Variants in GRIK2 observed in about 807,000 individuals in gnomAD.
GRIK2 encodes the protein glutamate receptor ionotropic, kainate 2.
Under a neutral mutation model 100.3 loss-of-function variants are expected in GRIK2, and 32 were observed. The observed-to-expected ratio is 0.32, with a 90% CI of 0.24 to 0.43. The LOEUF (loss-of-function observed/expected upper bound fraction) is 0.43. Among genes scored for constraint, GRIK2 ranks in the 20% least tolerant of loss-of-function variants. The probability of loss-of-function intolerance (pLI) is 1.00; values close to 1 mark genes in which losing one functional copy is unlikely to be tolerated. For synonymous variants in GRIK2, 417 were observed against 389.4 expected, an observed-to-expected ratio of 1.07 and a Z score of -0.83; for missense variants, 843 against 1,114.9, an observed-to-expected ratio of 0.76 and a Z score of 3.47.
At chr6:102,006,406 A>G (rs1307854201) in intron 14 of GRIK2, among the ~76,000 whole-genome samples, 1 of 85,082 alleles carries the variant, frequency 1.2e-5, no homozygotes, top group Non-Finnish European at 2.1e-5. Flanking sequence ...TTTTTTTTTG[A>G]GACATACAGT....
chr6:101,501,746 A>G (rs988715428), intron 2 of GRIK2, among the ~76,000 whole-genome samples: 2 of 151,980 alleles, frequency 1.3e-5, no homozygotes. Flanking sequence ...GTTCCTTAGC[A>G]TGTTTTTGTT....
chr6:101,818,668 T>C (rs937872627), intron 10 of GRIK2, among the ~76,000 whole-genome samples, 185 bp downstream of exon 10: 1 of 152,192 alleles, frequency 6.6e-6, no homozygotes, highest in African/African-American at 2.4e-5. Context: ...TGATCTAAAT[T>C]GTATTAACGT....
rs189233299 is a variant in GRIK2, at chr6:101,988,977, G to A, written c.2086-46364G>A. The stretch of plus-strand genomic sequence containing the variant: ...ATCATTGTGTGATTGAGACTCACTA[G>A]CACTAGTAATTAGGATGATAATATC... On this transcript the variant is annotated intron_variant, in intron 14 of 16. Coordinates refer to ENST00000369134, the MANE Select transcript of GRIK2 (RefSeq NM_021956.5). Among the ~76,000 whole-genome samples, 106 of 151,914 alleles carry A rather than the reference G, an allele frequency of 7.0e-4. 1 individual carries two copies. The East Asian group carries it at 0.019, about 27-fold the overall frequency.
intron 2 of GRIK2, among the ~76,000 whole-genome samples, chr6:101,591,965 C>A (rs1778664902): frequency 6.6e-6 from 1 of 151,990 alleles, no homozygotes; most frequent in Non-Finnish European, 1.5e-5. Context: ...GCAGATTCCT[C>A]ATGAATGGCT....
At chr6:101,608,588 AC>A (rs1327051863) in intron 2 of GRIK2, among the ~76,000 whole-genome samples, 1 of 151,920 alleles carries the variant, frequency 6.6e-6, no homozygotes, top group African/African-American at 2.4e-5. Context: ...CTTATTGAGC[AC>A]CTACTGTGTT....
chr6:101,550,125 T>G (rs1405431619), intron 2 of GRIK2, among the ~76,000 whole-genome samples: 1 of 152,238 alleles, frequency 6.6e-6, no homozygotes, highest in African/African-American at 2.4e-5. Context: ...ATTGTTTTTC[T>G]GCATTCTCCA....
At chr6:101,555,780 A>T (rs1442136099) in intron 2 of GRIK2, among the ~76,000 whole-genome samples, 2 of 152,130 alleles carry the variant, frequency 1.3e-5, no homozygotes, top group Non-Finnish European at 2.9e-5. Context: ...GCATTACTCA[A>T]TTTTTTTATC....
intron 12 of GRIK2, among the ~76,000 whole-genome samples, chr6:101,918,187 A>C (rs1582532084): frequency 6.6e-6 from 1 of 151,144 alleles, no homozygotes; most frequent in Admixed American, 6.6e-5. Flanking sequence ...ATTGTTATGT[A>C]ATAATGATGA....
intron 7 of GRIK2, among the ~76,000 whole-genome samples, chr6:101,767,898 C>T (rs1175750373): frequency 6.6e-6 from 1 of 151,946 alleles, no homozygotes; most frequent in Non-Finnish European, 1.5e-5. Flanking sequence ...GCCTCTGTCA[C>T]CCAGGCCGGA....
intron 2 of GRIK2, among the ~76,000 whole-genome samples, chr6:101,491,792 C>G (rs1021574692): frequency 5.3e-5 from 8 of 151,916 alleles, no homozygotes; most frequent in African/African-American, 1.9e-4. Flanking sequence ...TCATGCTAAT[C>G]TACATTCAGA....
chr6:101,653,544 A>T (rs1781918389), intron 4 of GRIK2, among the ~76,000 whole-genome samples: 1 of 151,962 alleles, frequency 6.6e-6, no homozygotes, highest in African/African-American at 2.4e-5. Flanking sequence ...CTGCCTGAGT[A>T]TTTTTCTACT....
rs192909500 is a variant in GRIK2, at chr6:101,619,640, C to T, written c.116-2309C>T. Among the ~76,000 whole-genome samples, 386 of 151,996 alleles carry T rather than the reference C, an allele frequency of 2.5e-3. 1 individual carries two copies. Among genetic ancestry groups the T allele is most frequent in the African/African-American group, 9.0e-3 (372 of 41,458 alleles). On this transcript the variant is annotated intron_variant, in intron 2 of 16. Coordinates refer to ENST00000369134, the MANE Select transcript of GRIK2 (RefSeq NM_021956.5). ...TTTGCCAGCAAGAAACCACTTAAGG[C>T]TTGCATTTCTATAATTTTCTCTTTA...
chr6:101,917,515 T>G (rs1284662621), intron 12 of GRIK2, among the ~76,000 whole-genome samples: 3 of 151,680 alleles, frequency 2.0e-5, no homozygotes, highest in African/African-American at 7.2e-5. Flanking sequence ...GTATATGGGT[T>G]TTTAGTGTAG....
Position 102,001,146 on chromosome 6 carries a change from G to A in GRIK2, c.2086-34195G>A, listed in dbSNP as rs190838645. ...TAGTTAATCAAAAACCCAAATGCCC[G>A]CTAGGTGCCCAACACTGTTCCAGGC... On this transcript the variant is annotated intron_variant, in intron 14 of 16. Coordinates refer to ENST00000369134, the MANE Select transcript of GRIK2 (RefSeq NM_021956.5). 3.6e-3 allele frequency among the ~76,000 whole-genome samples: 547 copies of A among 151,016 alleles called. 2 individuals are homozygous for A. Among genetic ancestry groups the A allele is most frequent in the African/African-American group, 0.013 (521 of 41,232 alleles).
chr6:101,948,629 A>T (rs1009717733), intron 14 of GRIK2, among the ~76,000 whole-genome samples: 1 of 151,454 alleles, frequency 6.6e-6, no homozygotes, highest in Non-Finnish European at 1.5e-5. Flanking sequence ...ATAAAATGTT[A>T]AAAGGTTTTT....
At chr6:101,527,455 C>T (rs979981665) in intron 2 of GRIK2, among the ~76,000 whole-genome samples, 9 of 152,088 alleles carry the variant, frequency 5.9e-5, no homozygotes, top group African/African-American at 2.2e-4. Flanking sequence ...TACCTCTTAT[C>T]AAGGCAGATA....
intron 2 of GRIK2, among the ~76,000 whole-genome samples, chr6:101,525,306 G>A (rs1407748803): frequency 6.6e-6 from 1 of 152,152 alleles, no homozygotes; most frequent in African/African-American, 2.4e-5. Context: ...TTATCAGTAG[G>A]ATGAATACTC....
intron 7 of GRIK2, among the ~76,000 whole-genome samples, chr6:101,791,245 G>T (rs528193548): frequency 5.8e-4 from 89 of 152,170 alleles, no homozygotes; most frequent in African/African-American, 2.0e-3. Context: ...CTTGCCTTCT[G>T]CTAGCTTTTG....
At chr6:101,645,485 G>A (rs116685230) in intron 4 of GRIK2, among the ~76,000 whole-genome samples, 6 of 151,800 alleles carry the variant, frequency 4.0e-5, no homozygotes, top group Non-Finnish European at 5.9e-5. Flanking sequence ...CACATAGTAC[G>A]TTAAACAATA....
Sources: gnomAD v4.1 joint callset for allele counts (sites outside exome capture counted in the v4.1 genomes callset) on GRCh38, gnomAD v4.1.1 for gene constraint, MANE v1.5 for transcripts, NCBI Gene and HGNC (gene_info 2026-07-23, HGNC 2026-07-21) for gene names.